The following PINX1 variants were observed in gnomAD, a reference collection of about 807,000 sequenced individuals.
PINX1 encodes PIN2/TERF1-interacting telomerase inhibitor 1.
PINX1 carries 34 observed loss-of-function variants against 25.4 expected under a neutral mutation model. The ratio of observed to expected loss-of-function variants is 1.34; its 90% CI spans 1.02 to 1.78. The LOEUF is 1.78. Among genes scored for constraint, PINX1 ranks in the 40% most tolerant of loss-of-function variants. PINX1 has a pLI of 0.00. For synonymous variants in PINX1, 197 were observed against 147.7 expected (o/e 1.33, Z -2.42); for missense variants, 592 against 404.9 (o/e 1.46, Z -3.97).
intron 6 of PINX1, among the ~76,000 whole-genome samples, chr8:10,817,544 T>C (rs7814489): frequency 0.07 from 10,651 of 152,330 alleles, 484 homozygotes; most frequent in African/African-American, 0.11. Flanking sequence ...TTTTGCTTTA[T>C]AGAAAGATAC....
At chr8:10,788,675 G>A (rs540051832) in intron 6 of PINX1, among the ~76,000 whole-genome samples, 2 of 152,158 alleles carry the variant, frequency 1.3e-5, no homozygotes, top group South Asian at 4.1e-4. Context: ...AGTGAAAGTG[G>A]TCACAGAAAG....
At chr8:10,804,469 C>G (rs965626048) in intron 6 of PINX1, among the ~76,000 whole-genome samples, 18 of 152,110 alleles carry the variant, frequency 1.2e-4, no homozygotes, top group African/African-American at 4.1e-4. Flanking sequence ...GTGAGCTGGG[C>G]AAGGGTCTGG....
At chr8:10,810,524 A>G (rs575598427) in intron 6 of PINX1, among the ~76,000 whole-genome samples, 31 of 152,320 alleles carry the variant, frequency 2.0e-4, no homozygotes, top group African/African-American at 7.5e-4. Context: ...ATTTCAACAG[A>G]TGAATTCAAT....
chr8:10,834,530 C>G, intron 2 of PINX1, 136 bp downstream of exon 2: 1 of 1,301,018 alleles, frequency 7.7e-7, no homozygotes, highest in South Asian at 1.6e-5. Flanking sequence ...AAGGTCACAA[C>G]AATTTTTGAT....
chr8:10,809,371 G>A (rs942897201), intron 6 of PINX1, among the ~76,000 whole-genome samples: 5 of 152,204 alleles, frequency 3.3e-5, no homozygotes, highest in Non-Finnish European at 5.9e-5. Flanking sequence ...TTTATCTGTT[G>A]ATTTACAGAC....
intron 6 of PINX1, among the ~76,000 whole-genome samples, chr8:10,774,050 C>T (rs1461150861): frequency 6.6e-6 from 1 of 152,184 alleles, no homozygotes; most frequent in Non-Finnish European, 1.5e-5. Flanking sequence ...CCCTGCTCTC[C>T]AGAGGCAGGA....
intron 6 of PINX1, among the ~76,000 whole-genome samples, chr8:10,770,992 G>A (rs916574376): frequency 6.6e-6 from 1 of 152,232 alleles, no homozygotes; most frequent in Admixed American, 6.5e-5. Flanking sequence ...CTGGGGTTGT[G>A]AGCCCTGATG....
At chr8:10,813,886 G>C (rs1255641374) in intron 6 of PINX1, among the ~76,000 whole-genome samples, 2 of 149,942 alleles carry the variant, frequency 1.3e-5, no homozygotes, top group South Asian at 2.2e-4. Flanking sequence ...AACTGGGAAG[G>C]TGGGGGAGGG....
At chr8:10,796,313 G>A (rs1346274593) in intron 6 of PINX1, among the ~76,000 whole-genome samples, 1 of 152,084 alleles carries the variant, frequency 6.6e-6, no homozygotes, top group Non-Finnish European at 1.5e-5. Flanking sequence ...GGATCCCCGG[G>A]GGGAAATGGA....
In PINX1 at chr8:10,774,900, C is replaced by T. The variant is rs184525310; in HGVS notation, c.472-8984G>A. On this transcript the variant is annotated intron_variant, in intron 6 of 6. Coordinates refer to ENST00000314787, the MANE Select transcript of PINX1 (RefSeq NM_017884.6). ...AAATTAGTAAGAATAAATAAAATTC[C>T]GAAATTAGTCATGTTAAAAGAGTAA... 3.9e-5 allele frequency among the ~76,000 whole-genome samples: 6 copies of T among 151,924 alleles called. No homozygotes were observed. In the South Asian group the frequency reaches 6.3e-4, roughly 16 times the overall value.
intron 6 of PINX1, among the ~76,000 whole-genome samples, chr8:10,766,895 C>A (rs1457035579): frequency 6.6e-6 from 1 of 152,100 alleles, no homozygotes; most frequent in African/African-American, 2.4e-5. Context: ...CTGAGGCTGG[C>A]AGTAAGGTGA....
chr8:10,767,660 C>A (rs1209685650), intron 6 of PINX1, among the ~76,000 whole-genome samples: 4 of 152,244 alleles, frequency 2.6e-5, no homozygotes, highest in Non-Finnish European at 5.9e-5. Context: ...GCTCTCCCGG[C>A]ACGAGCCAAT....
Position 10,777,587 on chromosome 8 carries a change from T to C in PINX1, c.472-11671A>G, listed in dbSNP as rs532037344. On this transcript the variant is annotated intron_variant, in intron 6 of 6. Coordinates refer to ENST00000314787, the MANE Select transcript of PINX1 (RefSeq NM_017884.6). The stretch of plus-strand genomic sequence containing the variant: ...GGCTTGGGGACTGCAGGGAGTGAGG[T>C]AGGCAGGGTGTAGAATGAGAAAAGG... Among the ~76,000 whole-genome samples the C allele has an allele frequency of 9.9e-5, 15 of 152,170 alleles. No individual in the cohort carries two copies. The South Asian group carries it at 3.1e-3, about 32-fold the overall frequency.
intron 6 of PINX1, among the ~76,000 whole-genome samples, chr8:10,766,606 G>A (rs1464129287): frequency 6.6e-6 from 1 of 152,178 alleles, no homozygotes; most frequent in Non-Finnish European, 1.5e-5. Flanking sequence ...GCTGGGGGTG[G>A]GGAGTAGAGA....
intron 6 of PINX1, among the ~76,000 whole-genome samples, chr8:10,810,939 T>C (rs532212826): frequency 1.3e-5 from 2 of 152,354 alleles, no homozygotes; most frequent in South Asian, 4.1e-4. Flanking sequence ...ATATTAAATA[T>C]TGTGACTACG....
At chr8:10,766,058 A>C in intron 6 of PINX1, 142 bp from the exon 7 acceptor site, 1 of 768,344 alleles carries the variant, frequency 1.3e-6, no homozygotes, top group Admixed American at 2.4e-5. Context: ...GGCACTTAGG[A>C]GACAAGGCTG....
intron 6 of PINX1, among the ~76,000 whole-genome samples, chr8:10,799,138 T>C (rs948427765): frequency 8.8e-5 from 13 of 147,386 alleles, no homozygotes; most frequent in Non-Finnish European, 1.6e-4. Context: ...TTCTAGTTTG[T>C]CAATTTTTTT....
chr8:10,767,217 G>A (rs1327376386), intron 6 of PINX1, among the ~76,000 whole-genome samples: 2 of 152,110 alleles, frequency 1.3e-5, no homozygotes, highest in African/African-American at 2.4e-5. Context: ...GCTTGTGCAG[G>A]TAACTGAATT....
chr8:10,833,062 A>C (rs1353869629), intron 2 of PINX1, 78 bp from the exon 3 acceptor site: 11 of 849,426 alleles, frequency 1.3e-5, no homozygotes, highest in Non-Finnish European at 1.9e-5. Flanking sequence ...CAAAACTCAC[A>C]GATGCCTACG....
Sources: allele counts gnomAD v4.1 joint callset (sites outside exome capture counted in the v4.1 genomes callset), GRCh38; gene constraint gnomAD v4.1.1; transcripts MANE v1.5; gene names NCBI Gene and HGNC (gene_info 2026-07-23, HGNC 2026-07-21).